DPP10: variants seen among roughly 807,000 people sequenced by gnomAD.
DPP10 encodes the protein dipeptidyl peptidase like 10, also known as inactive dipeptidyl peptidase 10.
DPP10 carries 33 observed loss-of-function variants against 120.9 expected under a neutral mutation model. The observed-to-expected ratio is 0.27, with a 90% CI of 0.21 to 0.37. DPP10 has a LOEUF of 0.37. Among genes scored for constraint, DPP10 ranks in the 10% least tolerant of loss-of-function variants. DPP10 has a pLI of 1.00. For missense variants in DPP10, 816 were observed against 942.8 expected (o/e 0.87, Z 1.76); for synonymous variants, 337 against 326.1 (o/e 1.03, Z -0.36).
intron 1 of DPP10, among the ~76,000 whole-genome samples, chr2:114,618,598 C>T (rs1169525093): frequency 1.3e-5 from 2 of 151,926 alleles, no homozygotes; most frequent in Non-Finnish European, 2.9e-5. Flanking sequence ...GTCTTGTATG[C>T]TAGCAACATT....
At chr2:115,161,536 A>G (rs2052354019) in intron 1 of DPP10, 2 of 149,770 alleles carry the variant, frequency 1.3e-5, no homozygotes, top group African/African-American at 2.5e-5. Flanking sequence ...CGGCTGCTCC[A>G]CCTGGCGCGC....
intron 1 of DPP10, among the ~76,000 whole-genome samples, chr2:115,246,192 C>T (rs1487283582): frequency 2.0e-5 from 3 of 152,070 alleles, no homozygotes; most frequent in East Asian, 1.9e-4. Context: ...CAGTTATCTA[C>T]GAACTGACTA....
chr2:115,276,869 A>G (rs540708121), intron 1 of DPP10, among the ~76,000 whole-genome samples: 1 of 152,318 alleles, frequency 6.6e-6, no homozygotes, highest in South Asian at 2.1e-4. Flanking sequence ...ATTTTCATAA[A>G]GCTTTTGGCT....
Position 115,520,976 on chromosome 2 carries a change from C to T in DPP10, c.367-4922C>T, listed in dbSNP as rs1254469904. Reference sequence around the variant, plus strand: ...AGAAGTGCAATCACGAAACAGTGATCAATGGTTAGATGAACTGCACGTGTA... The same window carrying T: ...AGAAGTGCAATCACGAAACAGTGATTAATGGTTAGATGAACTGCACGTGTA... On this transcript the variant is annotated intron_variant, in intron 4 of 25. Coordinates refer to ENST00000410059, the MANE Select transcript of DPP10 (RefSeq NM_020868.6). Among the ~76,000 whole-genome samples the T allele has an allele frequency of 9.9e-5, 15 of 152,208 alleles. No individual in the cohort carries two copies. The East Asian group carries it at 2.7e-3, about 28-fold the overall frequency.
intron 1 of DPP10, among the ~76,000 whole-genome samples, chr2:115,277,779 AT>A (rs1407387640): frequency 6.6e-6 from 1 of 152,106 alleles, no homozygotes; most frequent in Non-Finnish European, 1.5e-5. Context: ...AATATATCAC[AT>A]ATGTAAAATA....
intron 1 of DPP10, among the ~76,000 whole-genome samples, chr2:114,697,240 C>T (rs377290844): frequency 6.6e-6 from 1 of 152,070 alleles, no homozygotes; most frequent in Non-Finnish European, 1.5e-5. Flanking sequence ...GTTAAAATTA[C>T]AGTCTTGTAG....
intron 1 of DPP10, among the ~76,000 whole-genome samples, chr2:115,091,396 G>C (rs1709244524): frequency 6.6e-6 from 1 of 152,128 alleles, no homozygotes; most frequent in African/African-American, 2.4e-5. Flanking sequence ...ATAAATATCA[G>C]CTTTAATCAT....
At chr2:114,588,833 C>T (rs940470276) in intron 1 of DPP10, among the ~76,000 whole-genome samples, 11 of 152,204 alleles carry the variant, frequency 7.2e-5, no homozygotes, top group African/African-American at 2.6e-4. Context: ...TGGCTGAGAA[C>T]AGAAATGATT....
chr2:114,994,453 G>A (rs1275288428), intron 1 of DPP10, among the ~76,000 whole-genome samples: 1 of 152,056 alleles, frequency 6.6e-6, no homozygotes, highest in African/African-American at 2.4e-5. Flanking sequence ...TTCTTTGATT[G>A]CCTGTGCTCA....
At chr2:115,653,431 A>G (rs2087982152) in intron 5 of DPP10, among the ~76,000 whole-genome samples, 1 of 151,964 alleles carries the variant, frequency 6.6e-6, no homozygotes, top group African/African-American at 2.4e-5. Flanking sequence ...TAAAACAACA[A>G]ATCTGCCATC....
chr2:115,519,716 C>T (rs2077693461), intron 4 of DPP10, among the ~76,000 whole-genome samples: 1 of 152,082 alleles, frequency 6.6e-6, no homozygotes, highest in African/African-American at 2.4e-5. Flanking sequence ...CTAGGGACTG[C>T]TGCCTCCTTT....
At chr2:114,636,940 C>T (rs1014967306) in intron 1 of DPP10, among the ~76,000 whole-genome samples, 7 of 151,888 alleles carry the variant, frequency 4.6e-5, no homozygotes, top group Admixed American at 3.3e-4. Context: ...AATGGTGGAA[C>T]TTTTGCTATC....
intron 1 of DPP10, among the ~76,000 whole-genome samples, chr2:115,200,287 A>G (rs983018093): frequency 6.6e-6 from 1 of 152,218 alleles, no homozygotes; most frequent in African/African-American, 2.4e-5. Context: ...TGTATAGAGC[A>G]GAGTTTCAAA....
At chr2:115,658,839 A>C (rs533738327) in intron 5 of DPP10, among the ~76,000 whole-genome samples, 2 of 152,292 alleles carry the variant, frequency 1.3e-5, no homozygotes, top group Non-Finnish European at 2.9e-5. Flanking sequence ...GGGAATATTA[A>C]TTCTGAAAGA....
chr2:115,408,190 A>C (rs1365295309), intron 3 of DPP10, among the ~76,000 whole-genome samples: 1 of 151,976 alleles, frequency 6.6e-6, no homozygotes, highest in Non-Finnish European at 1.5e-5. Context: ...CATATGCCCC[A>C]TCTCCCCTGC....
At chr2:115,119,043 T>C (rs929906942) in intron 1 of DPP10, among the ~76,000 whole-genome samples, 1 of 152,168 alleles carries the variant, frequency 6.6e-6, no homozygotes, top group African/African-American at 2.4e-5. Context: ...CATCTGGCCC[T>C]TGACTTGAGG....
chr2:115,453,058 A>G (rs2073241079), intron 3 of DPP10, among the ~76,000 whole-genome samples: 1 of 151,718 alleles, frequency 6.6e-6, no homozygotes, highest in South Asian at 2.1e-4. Flanking sequence ...TAAACTTACT[A>G]GGAATATCTG....
At chr2:115,831,514 A>G (rs1465594389) in intron 21 of DPP10, among the ~76,000 whole-genome samples, 3 of 152,206 alleles carry the variant, frequency 2.0e-5, no homozygotes, top group Non-Finnish European at 2.9e-5. Flanking sequence ...CTGGGATTAC[A>G]GGCTTGAGCC....
chr2:115,633,134 A>G (rs893061929), intron 5 of DPP10, among the ~76,000 whole-genome samples: 3 of 152,214 alleles, frequency 2.0e-5, no homozygotes, highest in African/African-American at 7.2e-5. Context: ...ATGCACACGT[A>G]TGTTTATTAT....
Sources: allele counts gnomAD v4.1 joint callset (sites outside exome capture counted in the v4.1 genomes callset), GRCh38; gene constraint gnomAD v4.1.1; transcripts MANE v1.5; gene names NCBI Gene and HGNC (gene_info 2026-07-23, HGNC 2026-07-21).